CCDC18: variants seen among roughly 807,000 people sequenced by gnomAD.
The protein encoded by CCDC18 is coiled-coil domain containing 18.
Under a neutral mutation model 196.0 loss-of-function variants are expected in CCDC18, and 157 were observed. The observed-to-expected ratio is 0.80, with a 90% confidence interval of 0.70 to 0.91. The LOEUF is 0.91. Ranked by LOEUF, CCDC18 falls within the 40% of genes least tolerant of loss-of-function variation. The pLI, the probability that CCDC18 is intolerant of heterozygous loss-of-function variation, is 0.00. For synonymous variants in CCDC18, 482 were observed against 529.2 expected (o/e 0.91, Z 1.22); for missense variants, 1,465 against 1,611.6 (o/e 0.91, Z 1.56).
Position 93,264,807 on chromosome 1 carries a change from TAGA to T in CCDC18, c.3797_3799del (p.Glu1266del). 2 of 1,613,494 alleles carry T rather than the reference TAGA, an allele frequency of 1.2e-6. No homozygotes were observed. The highest frequency in any genetic ancestry group is 2.2e-5 in the South Asian group (2 of 91,052). ...CAGTTAGAGAAGGCAAAATTGGAAT[TAGA>T]AGAAGCTCAGGATACTGTAAGCAAT... On this transcript the variant is annotated inframe_deletion, in exon 27 of 29. Transcript: ENST00000690025.
chr1:93,231,288 A>G (rs917026116), intron 17 of CCDC18, among the ~76,000 whole-genome samples: 1 of 152,214 alleles, frequency 6.6e-6, no homozygotes, highest in Non-Finnish European at 1.5e-5. Flanking sequence ...AATTTATTAT[A>G]TAAGCAACAA....
At chr1:93,201,388 G>A (rs987388492) in intron 6 of CCDC18, among the ~76,000 whole-genome samples, 1 of 152,138 alleles carries the variant, frequency 6.6e-6, no homozygotes, top group Non-Finnish European at 1.5e-5. Context: ...TTAAAGAGTG[G>A]TTGGTGGTGG....
chr1:93,276,709 T>A (rs1433065606), intron 28 of CCDC18, among the ~76,000 whole-genome samples: 3 of 152,176 alleles, frequency 2.0e-5, no homozygotes, highest in Non-Finnish European at 4.4e-5. Flanking sequence ...GGCCCATATT[T>A]TTTTAAATCC....
At chr1:93,188,862 G>A (rs1194590173) in intron 4 of CCDC18, among the ~76,000 whole-genome samples, 2 of 152,086 alleles carry the variant, frequency 1.3e-5, no homozygotes, top group Non-Finnish European at 2.9e-5. Context: ...GTACATAGTA[G>A]GCGTATATAT....
At chr1:93,261,838 TTCCATTAG>T (rs1055363741) in intron 26 of CCDC18, among the ~76,000 whole-genome samples, 11 of 152,102 alleles carry the variant, frequency 7.2e-5, no homozygotes, top group Admixed American at 1.3e-4. Flanking sequence ...TTAGTCCATT[TTCCATTAG>T]TCCATTAGTC....
At chr1:93,183,765 A>G (rs1216708848) in intron 2 of CCDC18, among the ~76,000 whole-genome samples, 1 of 151,718 alleles carries the variant, frequency 6.6e-6, no homozygotes, top group East Asian at 1.9e-4. Flanking sequence ...TTTGAATCTT[A>G]AGTAATCTTA....
At chr1:93,222,461 A>G (rs778528367) in intron 16 of CCDC18, among the ~76,000 whole-genome samples, 7 of 152,214 alleles carry the variant, frequency 4.6e-5, no homozygotes, top group Non-Finnish European at 1.0e-4. Flanking sequence ...AGAGAAAACT[A>G]AAAGTGATTC....
chr1:93,212,203 A>C lies in CCDC18; in HGVS notation c.1437A>C (p.Glu479Asp). 1 of 1,610,804 alleles carries C rather than the reference A, an allele frequency of 6.2e-7. No homozygotes were observed. ...QSLITCNDSQ[E>D]SSKLSSLETE... is the part of the protein sequence containing the mutation. Reference sequence around the variant, plus strand: ...TTATTACTTGTAATGACAGCCAAGAAAGTAGCAAATTAAGTAGTTTAGAAA... The same window carrying C: ...TTATTACTTGTAATGACAGCCAAGACAGTAGCAAATTAAGTAGTTTAGAAA... The change falls in exon 11 of 29, where the codon GAA (glutamate) becomes GAC (aspartate). Residue 479 changes from glutamate (E) to aspartate (D), a missense_variant. Transcript: ENST00000690025.
chr1:93,256,368 C>T lies in CCDC18; in HGVS notation c.3376C>T (p.Gln1126Ter), dbSNP rs1442314674. The change falls in exon 25 of 29, where the codon CAG becomes TAG. Residue 1126 changes from glutamine to a stop codon, truncating the protein, a stop_gained. Transcript: ENST00000690025. LOFTEE classifies it high-confidence loss of function. ...AGAGCAAGAACAGTACATTGCCACT[C>T]AGTACAAGGAGGCCATAGATTTGGG... The part of the protein sequence containing the change: ...MKEQEQYIAT[Q>*]YKEAIDLGQE... 5 of 1,614,036 alleles carry T rather than the reference C, an allele frequency of 3.1e-6. No homozygotes were observed. Among genetic ancestry groups the T allele is most frequent in the African/African-American group, 2.7e-5 (2 of 75,014 alleles).
intron 28 of CCDC18, among the ~76,000 whole-genome samples, chr1:93,276,641 A>C (rs1240363787): frequency 2.0e-5 from 3 of 152,224 alleles, no homozygotes; most frequent in African/African-American, 4.8e-5. Flanking sequence ...ACCTAGAGAC[A>C]TGATAATATT....
intron 4 of CCDC18, among the ~76,000 whole-genome samples, chr1:93,191,403 G>C (rs988067224): frequency 6.6e-6 from 1 of 152,102 alleles, no homozygotes; most frequent in African/African-American, 2.4e-5. Flanking sequence ...TGTATCCCTG[G>C]TTTTTCATTG....
chr1:93,251,355 T>C (rs1175385064), intron 23 of CCDC18, among the ~76,000 whole-genome samples: 1 of 152,230 alleles, frequency 6.6e-6, no homozygotes, highest in African/African-American at 2.4e-5. Flanking sequence ...TTAGTCTTAC[T>C]AAAGATATAA....
At chr1:93,265,429 A>C (rs1272190388) in intron 27 of CCDC18, among the ~76,000 whole-genome samples, 1 of 152,224 alleles carries the variant, frequency 6.6e-6, no homozygotes, top group African/African-American at 2.4e-5. Flanking sequence ...AGTGTACTAT[A>C]TTTAATTGTA....
In CCDC18 at chr1:93,214,760, C is replaced by G; in HGVS notation, c.1513C>G (p.Gln505Glu). Residue 505 changes from glutamine to glutamate, a missense_variant, in exon 12 of 29, where the codon CAA (glutamine) becomes GAA (glutamate). Physicochemically the swap from Gln to Glu is conservative, Grantham distance 29 (BLOSUM62 2). Coordinates refer to ENST00000690025, the MANE Select transcript of CCDC18 (RefSeq NM_001378204.1). Reference sequence around the variant, plus strand: ...TTTATTAGCAGAAAGCGTAAAAGATCAAAATCAACATACTATGAACAAGCA... The same window carrying G: ...TTTATTAGCAGAAAGCGTAAAAGATGAAAATCAACATACTATGAACAAGCA... Reference protein sequence around the residue: ...GHQVAESVKDQNQHTMNKQYE... With the variant: ...GHQVAESVKDENQHTMNKQYE... The G allele has an allele frequency of 6.2e-7, 1 of 1,610,660 alleles. No homozygotes were observed. Among genetic ancestry groups the G allele is most frequent in the Non-Finnish European group, 8.5e-7 (1 of 1,178,996 alleles).
At chr1:93,241,686 T>C (rs1480476674) in intron 21 of CCDC18, among the ~76,000 whole-genome samples, 1 of 121,736 alleles carries the variant, frequency 8.2e-6, no homozygotes, top group African/African-American at 3.4e-5. Flanking sequence ...TGAGCCATGA[T>C]CCATTCCAGC....
intron 26 of CCDC18, among the ~76,000 whole-genome samples, chr1:93,261,044 G>C (rs1239068282): frequency 1.3e-5 from 2 of 152,144 alleles, no homozygotes; most frequent in African/African-American, 2.4e-5. Flanking sequence ...TTGGTTCCAA[G>C]TCTTTGTTAT....
chr1:93,210,324 T>G (rs189700301), intron 9 of CCDC18, among the ~76,000 whole-genome samples: 2 of 152,292 alleles, frequency 1.3e-5, no homozygotes, highest in Non-Finnish European at 1.5e-5. Flanking sequence ...TTGGGACACA[T>G]ATTGTCTTAT....
intron 17 of CCDC18, among the ~76,000 whole-genome samples, chr1:93,228,207 C>A (rs1056147216): frequency 5.3e-5 from 8 of 151,820 alleles, no homozygotes; most frequent in African/African-American, 1.7e-4. Flanking sequence ...AGAGGAACAT[C>A]AGGAAAAGAT....
intron 6 of CCDC18, among the ~76,000 whole-genome samples, chr1:93,197,745 C>CTTTTTTTTTTTTT (rs71094240): frequency 2.6e-4 from 20 of 76,012 alleles, no homozygotes; most frequent in East Asian, 8.7e-4. Flanking sequence ...CTTTTCTTTT[C>CTTTTTTTTTTTTT]TTTTTTTTTT....
Sources: gnomAD v4.1 joint callset for allele counts (sites outside exome capture counted in the v4.1 genomes callset) on GRCh38, gnomAD v4.1.1 for gene constraint, MANE v1.5 for transcripts, NCBI Gene and HGNC (gene_info 2026-07-23, HGNC 2026-07-21) for gene names.